NUP153: variants seen among roughly 807,000 people sequenced by gnomAD.
NUP153 encodes nuclear pore complex protein Nup153.
A neutral mutation model predicts 134.6 loss-of-function variants in NUP153; 27 were observed. The observed-to-expected ratio is 0.20, with a 90% CI of 0.15 to 0.28. The LOEUF is 0.28. Ranked by LOEUF, NUP153 falls within the 10% of genes least tolerant of loss-of-function variation. The pLI is 1.00. For synonymous variants in NUP153, 640 were observed against 623.5 expected, an observed-to-expected ratio of 1.03 and a Z score of -0.40; for missense variants, 1,821 against 1,731.3, an observed-to-expected ratio of 1.05 and a Z score of -0.92.
intron 11 of NUP153, among the ~76,000 whole-genome samples, chr6:17,658,463 T>C (rs1288049944): frequency 6.6e-6 from 1 of 152,066 alleles, no homozygotes; most frequent in African/African-American, 2.4e-5. Context: ...AAAACAAAGT[T>C]TGCAAAGGAG....
At position 17,688,522 on chromosome 6, in the gene NUP153, T is replaced by A. The variant is rs138192099; in HGVS notation, c.208A>T (p.Thr70Ser). 1 of 1,614,188 alleles carries A rather than the reference T, an allele frequency of 6.2e-7. No homozygotes were observed. ...CAGCGTGGAACCTCGCTTGTGTCTG[T>A]TGAACAGCTGCATACATCTTCATTC... ...NKNEDVCSCS[T>S]DTSEVPRWPE... is the part of the protein sequence containing the mutation. The change falls in exon 2 of 22, where the codon ACA (threonine) becomes TCA (serine). Residue 70 changes from threonine to serine, a missense_variant. Transcript: ENST00000262077.
chr6:17,640,129 T>A (rs1397840457), intron 14 of NUP153, 65 bp from the exon 15 acceptor site: 2 of 1,258,976 alleles, frequency 1.6e-6, no homozygotes, highest in Non-Finnish European at 2.1e-6. Context: ...AATGCATTTT[T>A]AAAAATCTTT....
chr6:17,703,070 T>C (rs1770231965), intron 1 of NUP153, among the ~76,000 whole-genome samples: 1 of 133,524 alleles, frequency 7.5e-6, no homozygotes, highest in African/African-American at 2.7e-5. Context: ...TGGTGGCGCA[T>C]GCCTGTAATC....
chr6:17,686,407 T>TC (rs921040117), intron 2 of NUP153, among the ~76,000 whole-genome samples: 1 of 151,848 alleles, frequency 6.6e-6, no homozygotes, highest in African/African-American at 2.4e-5. Flanking sequence ...TTATTTCTTT[T>TC]TTTTTTTTGA....
intron 11 of NUP153, chr6:17,651,802 CA>C: frequency 1.8e-6 from 1 of 561,854 alleles, no homozygotes; most frequent in South Asian, 2.3e-5. Flanking sequence ...ATCCATGAAA[CA>C]AAAATTGAGG....
intron 11 of NUP153, among the ~76,000 whole-genome samples, chr6:17,657,923 C>T (rs75939490): frequency 0.014 from 2,106 of 152,266 alleles, 59 homozygotes; most frequent in African/African-American, 0.048. Flanking sequence ...TGACTTACTA[C>T]TTGCTATTTA....
At chr6:17,631,944 C>T (rs113681670) in intron 17 of NUP153, among the ~76,000 whole-genome samples, 2,189 of 151,348 alleles carry the variant, frequency 0.014, 61 homozygotes, top group African/African-American at 0.05. Context: ...CCGGCCTGGG[C>T]GACAGAGCAA....
chr6:17,666,051 C>T (rs1462150985), intron 8 of NUP153, among the ~76,000 whole-genome samples: 1 of 150,266 alleles, frequency 6.7e-6, no homozygotes, highest in African/African-American at 2.5e-5. Flanking sequence ...TCTCAAACTT[C>T]TGGGCTCAAG....
In NUP153 at chr6:17,662,047, T is replaced by C. The variant is rs1010398093; in HGVS notation, c.1239A>G (p.Thr413=). 9 of 1,612,222 alleles carry C rather than the reference T, an allele frequency of 5.6e-6. No homozygotes were observed. In the East Asian group the frequency reaches 2.0e-4, roughly 36 times the overall value. ...CTCGTTGTTCTCTATTTTGTCCGGG[T>C]GTCATATTTTTTTCATATCCAGTCT... The part of the protein sequence containing the change: ...KCSTGYEKNM[T]PGQNREQRES... Residue 413 remains threonine (T), a synonymous_variant, in exon 10 of 22, where the codon ACA becomes ACG. Coordinates refer to ENST00000262077, the MANE Select transcript of NUP153 (RefSeq NM_005124.4).
intron 16 of NUP153, among the ~76,000 whole-genome samples, chr6:17,635,102 ATCTTTTTT>A (rs1765473437): frequency 8.5e-6 from 1 of 117,478 alleles, no homozygotes; most frequent in South Asian, 3.0e-4. Context: ...AGCTTGGCTT[ATCTTTTTT>A]TTTTTTTTTT....
At chr6:17,689,416 C>T (rs1369241654) in intron 1 of NUP153, among the ~76,000 whole-genome samples, 1 of 149,592 alleles carries the variant, frequency 6.7e-6, no homozygotes, top group African/African-American at 2.5e-5. Context: ...AATAAACAAA[C>T]AAAAAAAAAC....
chr6:17,645,354 T>C (rs944466624), intron 14 of NUP153, among the ~76,000 whole-genome samples: 8 of 152,040 alleles, frequency 5.3e-5, no homozygotes, highest in African/African-American at 1.9e-4. Flanking sequence ...AGTGTGGTAG[T>C]GCAATCATAG....
chr6:17,694,972 C>T (rs1162004384), intron 1 of NUP153, among the ~76,000 whole-genome samples: 14 of 108,630 alleles, frequency 1.3e-4, no homozygotes, highest in Non-Finnish European at 6.1e-5. Flanking sequence ...AAGCGAGACT[C>T]TGTCTCAAGG....
intron 2 of NUP153, among the ~76,000 whole-genome samples, chr6:17,686,880 C>T (rs1205662070): frequency 2.4e-4 from 2 of 8,226 alleles, no homozygotes; most frequent in African/African-American, 4.7e-4. Context: ...TAATGGGCAG[C>T]CGGGGGCGGG....
At chr6:17,673,426 C>T (rs544215609) in intron 5 of NUP153, among the ~76,000 whole-genome samples, 9 of 152,138 alleles carry the variant, frequency 5.9e-5, no homozygotes, top group Non-Finnish European at 1.0e-4. Flanking sequence ...AGAAAATATT[C>T]GCAAAACATA....
At chr6:17,663,854 T>C (rs919097626) in intron 9 of NUP153, among the ~76,000 whole-genome samples, 1 of 152,012 alleles carries the variant, frequency 6.6e-6, no homozygotes. Context: ...ATAAGACAAC[T>C]GGCCTGGTCT....
At chr6:17,619,752 T>C (rs1197674178) in intron 20 of NUP153, 1 of 152,190 alleles carries the variant, frequency 6.6e-6, no homozygotes, top group Non-Finnish European at 1.5e-5. Flanking sequence ...AAGCAATCTA[T>C]GGATTCAATG....
Position 17,615,879 on chromosome 6 carries a change from T to A in NUP153, c.*218A>T, listed in dbSNP as rs992635837. ...CTGCTGGATCATAAAATATTTTTGC[T>A]GAAGAATCAGTCACCAGTCTAGCTA... is the stretch of plus-strand genomic sequence containing the variant. On this transcript the variant is annotated 3_prime_UTR_variant, in exon 22 of 22. Transcript: ENST00000262077. This position sits in a 1 kb window ranked among gnomAD's most constrained non-coding sequence, Gnocchi z 5.7. 6 of 484,606 alleles carry A rather than the reference T, an allele frequency of 1.2e-5. No individual in the cohort carries two copies. The highest frequency in any genetic ancestry group is 1.2e-4 in the African/African-American group (6 of 51,002). 30.0% of individuals were successfully genotyped at this position (484,606 alleles called of 1,614,324 possible).
chr6:17,656,468 CA>C (rs1446235843), intron 11 of NUP153, among the ~76,000 whole-genome samples: 1 of 152,046 alleles, frequency 6.6e-6, no homozygotes, highest in Non-Finnish European at 1.5e-5. Flanking sequence ...AGAGTCTCCC[CA>C]GCTGGGGTGA....
Sources: allele counts gnomAD v4.1 joint callset (sites outside exome capture counted in the v4.1 genomes callset), GRCh38; gene constraint gnomAD v4.1.1; non-coding constraint Gnocchi (gnomAD v3.1); transcripts MANE v1.5; gene names NCBI Gene and HGNC (gene_info 2026-07-23, HGNC 2026-07-21).